The following BRAF variants were observed in gnomAD, a reference collection of about 807,000 sequenced individuals.
BRAF encodes the protein B-Raf proto-oncogene, serine/threonine kinase, also known as serine/threonine-protein kinase B-raf.
A neutral mutation model predicts 104.6 loss-of-function variants in BRAF; 16 were observed. The ratio of observed to expected loss-of-function variants is 0.15; its 90% CI spans 0.10 to 0.23. BRAF has a LOEUF of 0.23. BRAF is among the 10% of genes least tolerant of loss of function. The pLI is 1.00. For synonymous variants in BRAF, 310 were observed against 341.6 expected (o/e 0.91, Z 1.02); for missense variants, 541 against 937.3 (o/e 0.58, Z 5.52).
chr7:140,865,944 G>A lies in BRAF; in HGVS notation c.139-15732C>T, dbSNP rs149134153. Among the ~76,000 whole-genome samples, 119 of 152,278 alleles carry A rather than the reference G, an allele frequency of 7.8e-4. 1 individual carries two copies. The highest frequency in any genetic ancestry group is 2.4e-3 in the African/African-American group (98 of 41,554). The stretch of plus-strand genomic sequence containing the variant: ...GCAGATTAAGCCCTAAAGTTTCAGG[G>A]ATGGCAGGGGAAAGGAGGGGAAACA... On this transcript the variant is annotated intron_variant, in intron 1 of 19. Coordinates refer to ENST00000644969, the MANE Select transcript of BRAF (RefSeq NM_001374258.1).
Position 140,720,389 on chromosome 7 carries a change from T to C in BRAF, c.*6105A>G. 9.4e-7 allele frequency: 1 copy of C among 1,062,296 alleles called. No individual in the cohort carries two copies. The highest frequency in any genetic ancestry group is 1.1e-6 in the Non-Finnish European group (1 of 877,412). The allele number at this position is 1,062,296 out of a possible 1,614,324, so 65.8% of individuals were successfully genotyped here. On this transcript the variant is annotated 3_prime_UTR_variant, in exon 20 of 20. Coordinates refer to ENST00000644969, the MANE Select transcript of BRAF (RefSeq NM_001374258.1). ...GACAGCACAGAGACATACACCCCTG[T>C]ATGTAAACTAACATAACATGAAGAT...
chr7:140,888,190 C>T (rs1002281073), intron 1 of BRAF, among the ~76,000 whole-genome samples: 2 of 152,182 alleles, frequency 1.3e-5, no homozygotes, highest in Non-Finnish European at 2.9e-5. Flanking sequence ...TTAATATTTA[C>T]ACAGGCACCC....
chr7:140,763,472 C>T (rs991036141), intron 14 of BRAF, among the ~76,000 whole-genome samples: 1 of 152,146 alleles, frequency 6.6e-6, no homozygotes, highest in African/African-American at 2.4e-5. Flanking sequence ...GCTGACCCCC[C>T]CACCTCCTTC....
At chr7:140,923,912 G>T (rs71645939) in intron 1 of BRAF, among the ~76,000 whole-genome samples, 1,837 of 152,296 alleles carry the variant, frequency 0.012, 35 homozygotes, top group African/African-American at 0.041. Context: ...GCGACAGAGC[G>T]CTGACAAACA....
chr7:140,909,211 A>G (rs1816686108), intron 1 of BRAF, among the ~76,000 whole-genome samples: 1 of 152,092 alleles, frequency 6.6e-6, no homozygotes, highest in Non-Finnish European at 1.5e-5. Flanking sequence ...AGATCACCTG[A>G]GGTCGGGAGT....
At chr7:140,860,363 C>A (rs1286703008) in intron 1 of BRAF, among the ~76,000 whole-genome samples, 1 of 150,726 alleles carries the variant, frequency 6.6e-6, no homozygotes, top group Non-Finnish European at 1.5e-5. Context: ...AAATAAATGA[C>A]CTCATTAGTA....
At chr7:140,802,334 G>T (rs1274131771) in intron 5 of BRAF, among the ~76,000 whole-genome samples, 1 of 125,218 alleles carries the variant, frequency 8.0e-6, no homozygotes, top group African/African-American at 3.1e-5. Context: ...GTCTGGCTCT[G>T]TCGCCCAGGC....
intron 8 of BRAF, among the ~76,000 whole-genome samples, chr7:140,793,199 A>G (rs1015327276): frequency 1.3e-5 from 2 of 152,226 alleles, no homozygotes; most frequent in Non-Finnish European, 2.9e-5. Flanking sequence ...TCAGAGAAAA[A>G]GGGAATAGTC....
chr7:140,818,301 T>C (rs1443048090), intron 3 of BRAF, among the ~76,000 whole-genome samples: 1 of 151,930 alleles, frequency 6.6e-6, no homozygotes, highest in Non-Finnish European at 1.5e-5. Context: ...TATTTTTCCA[T>C]ACAAGTATTT....
chr7:140,879,391 A>G (rs2129101830), intron 1 of BRAF, among the ~76,000 whole-genome samples: 1 of 151,860 alleles, frequency 6.6e-6, no homozygotes, highest in Non-Finnish European at 1.5e-5. Context: ...CATGTTGGCC[A>G]GGATGGTTTC....
At chr7:140,850,288 A>G in intron 1 of BRAF, 76 bp from the exon 2 acceptor site, 2 of 1,137,258 alleles carry the variant, frequency 1.8e-6, no homozygotes, top group East Asian at 5.1e-5. Flanking sequence ...ATAGACAACT[A>G]CATCACAGTA....
intron 1 of BRAF, among the ~76,000 whole-genome samples, chr7:140,920,134 A>C (rs1236971043): frequency 6.6e-6 from 1 of 152,230 alleles, no homozygotes; most frequent in Non-Finnish European, 1.5e-5. Flanking sequence ...CTGACAAAAA[A>C]AGGCTTAAGG....
intron 3 of BRAF, among the ~76,000 whole-genome samples, chr7:140,822,647 T>C (rs758590599): frequency 1.3e-5 from 2 of 152,240 alleles, no homozygotes; most frequent in South Asian, 2.1e-4. Context: ...TTCCCTTTTA[T>C]AGATACACCA....
At position 140,725,355 on chromosome 7, in the gene BRAF, G is replaced by C. The variant is rs574851282; in HGVS notation, c.*1139C>G. 1.0e-6 allele frequency: 1 copy of C among 990,200 alleles called. No homozygotes were observed. The highest frequency in any genetic ancestry group is 5.6e-5 in the Admixed American group (1 of 17,834). 61.3% of individuals were successfully genotyped at this position (990,200 alleles called of 1,614,324 possible). A position where few individuals can be genotyped will look rare whatever the true frequency, so the allele number is the denominator to read the frequency against. The stretch of plus-strand genomic sequence containing the variant: ...ATATTTAGGTAGAGAAAAGGATAAT[G>C]ATCTTTCTTAAAAGTTGTTTATATA... On this transcript the variant is annotated 3_prime_UTR_variant, in exon 20 of 20. Coordinates refer to ENST00000644969, the MANE Select transcript of BRAF (RefSeq NM_001374258.1).
In BRAF at chr7:140,721,799, A is replaced by G. The variant is rs1281874605; in HGVS notation, c.*4695T>C. ...ATGGAATATGTTTTCTTTTACATCC[A>G]ATGGCCAGGTCATAAAGGATGCCTT... On this transcript the variant is annotated 3_prime_UTR_variant, in exon 20 of 20. Coordinates refer to ENST00000644969, the MANE Select transcript of BRAF (RefSeq NM_001374258.1). The G allele has an allele frequency of 7.0e-7, 1 of 1,423,670 alleles. No individual in the cohort carries two copies. The highest frequency in any genetic ancestry group is 1.5e-5 in the African/African-American group (1 of 68,848). The allele number at this position is 1,423,670 out of a possible 1,614,324, so 88.2% of individuals were successfully genotyped here.
chr7:140,716,705 C>A (rs529819352), downstream of BRAF, among the ~76,000 whole-genome samples: 17 of 152,256 alleles, frequency 1.1e-4, 1 homozygote, highest in East Asian at 3.1e-3. Context: ...TTAGCACACA[C>A]GTTTGTAACT....
At position 140,924,074 on chromosome 7, in the gene BRAF, G is replaced by A. The variant is rs182862184; in HGVS notation, c.138+492C>T. 6.6e-6 allele frequency among the ~76,000 whole-genome samples: 1 copy of A among 152,238 alleles called. No homozygotes were observed. The highest frequency in any genetic ancestry group is 2.4e-5 in the African/African-American group (1 of 41,546). On this transcript the variant is annotated intron_variant, in intron 1 of 19. Coordinates refer to ENST00000644969, the MANE Select transcript of BRAF (RefSeq NM_001374258.1). The surrounding 1 kb of genome is among the most constrained non-coding windows in gnomAD (Gnocchi z 4.2). ...TGAAAAAGGGCAGCGGACTGAGAAG[G>A]GGGGCAGTCCGGGAGAGGAGAGAGG...
intron 1 of BRAF, among the ~76,000 whole-genome samples, chr7:140,916,527 T>A (rs192992855): frequency 9.6e-4 from 146 of 152,366 alleles, no homozygotes; most frequent in Admixed American, 1.7e-3. Context: ...GGTGACTTTT[T>A]TTGGTGAATA....
chr7:140,812,160 C>CTGTGTGTGTGTGTG (rs201757515), intron 3 of BRAF, among the ~76,000 whole-genome samples: 5,313 of 140,458 alleles, frequency 0.038, 125 homozygotes, highest in South Asian at 0.07. Flanking sequence ...GCATGCACAC[C>CTGTGTGTGTGTGTG]TGTGTGTGTG....
Sources: gnomAD v4.1 joint callset for allele counts (sites outside exome capture counted in the v4.1 genomes callset) on GRCh38, gnomAD v4.1.1 for gene constraint, Gnocchi (gnomAD v3.1) non-coding constraint, MANE v1.5 for transcripts, NCBI Gene and HGNC (gene_info 2026-07-23, HGNC 2026-07-21) for gene names.